Variants in LGI3 observed in about 807,000 individuals in gnomAD.
LGI3 encodes leucine rich repeat LGI family member 3.
In LGI3, 47 loss-of-function variants were observed where a neutral mutation model predicts 55.4. That is an observed-to-expected ratio of 0.85 (90% CI 0.67 to 1.08). The LOEUF is 1.08. LGI3 is among the 50% of genes least tolerant of loss of function. The pLI is 0.00. For missense variants in LGI3, 664 were observed against 726.3 expected (o/e 0.91, Z 0.99); for synonymous variants, 326 against 315.0 (o/e 1.04, Z -0.37).
At chr8:22,150,411 C>T (rs1176056444) in intron 7 of LGI3, among the ~76,000 whole-genome samples, 6 of 142,508 alleles carry the variant, frequency 4.2e-5, no homozygotes, top group South Asian at 2.2e-4. Context: ...CAGGCTGGAC[C>T]GCAGTGGTGT....
chr8:22,153,928 C>T (rs1467170429), intron 5 of LGI3, 40 bp downstream of exon 5: 3 of 1,598,860 alleles, frequency 1.9e-6, no homozygotes, highest in East Asian at 2.2e-5. Flanking sequence ...GGGATGCGCC[C>T]TCTGCGGCAC....
rs1563206744 is a variant in LGI3, at chr8:22,147,737, CG to C, written c.*422del. 2 of 179,168 alleles carry C rather than the reference CG, an allele frequency of 1.1e-5. No individual in the cohort carries two copies. The highest frequency in any genetic ancestry group is 5.4e-5 in the Admixed American group (1 of 18,472). The allele number at this position is 179,168 out of a possible 1,614,324, so 11.1% of individuals were successfully genotyped here. ...TGACAGATATGGCTGTGGGCTACAG[CG>C]GGGAGCAAGAGCAGGTAAACAATGC... On this transcript the variant is annotated 3_prime_UTR_variant, in exon 8 of 8. Transcript: ENST00000306317.
At position 22,148,895 on chromosome 8, in the gene LGI3, G is replaced by GT; in HGVS notation, c.911dup (p.Tyr304Ter). 6.2e-7 allele frequency: 1 copy of GT among 1,614,164 alleles called. No homozygotes were observed. Among genetic ancestry groups the GT allele is most frequent in the Non-Finnish European group, 8.5e-7 (1 of 1,180,024 alleles). The change falls in exon 8 of 8, where the codon TAC becomes TAAC. Residue 304 changes from tyrosine to a stop codon, truncating the protein, a stop_gained and frameshift_variant. Transcript: ENST00000306317. LOFTEE classifies it high-confidence loss of function. The surrounding 1 kb of genome is among the most constrained non-coding windows in gnomAD (Gnocchi z 7.0). ...TGGTGTTGGGATCCCAGTGGTAAAT[G>GT]TAAGAGCCGCCAAACAGCTGGGCCA... ...VVVAQLFGGS[Y>*]IYHWDPNTTR...
chr8:22,154,579 G>A lies in LGI3; in HGVS notation c.331C>T (p.Leu111=), dbSNP rs180985526. 218 of 1,613,936 alleles carry A rather than the reference G, an allele frequency of 1.4e-4. No individual in the cohort carries two copies. The highest frequency in any genetic ancestry group is 1.8e-4 in the Admixed American group (11 of 60,024). ...ACACACAGATACTGCAGGTGCGACA[G>A]TCCTGTGAAGGCGTTGTCTCCAATC... ...TLIGDNAFTG[L]SHLQYLFIEN... Residue 111 remains leucine (L), a synonymous_variant, in exon 3 of 8, where the codon CTG becomes TTG. Coordinates refer to ENST00000306317, the MANE Select transcript of LGI3 (RefSeq NM_139278.4).
Position 22,148,015 on chromosome 8 carries a change from C to T in LGI3, c.*145G>A, listed in dbSNP as rs1262611860. ...TCCTCCTGGGCCAGTCCACGGGGTGCGCCTGTACACACTGGGCGTGTGCGG... is the reference window on the plus strand; with the variant it reads ...TCCTCCTGGGCCAGTCCACGGGGTGTGCCTGTACACACTGGGCGTGTGCGG... On this transcript the variant is annotated 3_prime_UTR_variant, in exon 8 of 8. Coordinates refer to ENST00000306317, the MANE Select transcript of LGI3 (RefSeq NM_139278.4). This position sits in a 1 kb window ranked among gnomAD's most constrained non-coding sequence, Gnocchi z 7.0. 15 of 704,894 alleles carry T rather than the reference C, an allele frequency of 2.1e-5. No homozygotes were observed. The highest frequency in any genetic ancestry group is 3.1e-5 in the Non-Finnish European group (13 of 415,906). The allele number at this position is 704,894 out of a possible 1,614,324, so 43.7% of individuals were successfully genotyped here. A position where few individuals can be genotyped will look rare whatever the true frequency, so the allele number is the denominator to read the frequency against.
In LGI3 at chr8:22,154,004, C is replaced by CTGGGCAGTGTCTGCAGGTTATTGT. The variant is rs1827451503; in HGVS notation, c.434_457dup (p.Asn145_Pro152dup). On this transcript the variant is annotated inframe_insertion, in exon 5 of 8. Coordinates refer to ENST00000306317, the MANE Select transcript of LGI3 (RefSeq NM_139278.4). ...GATGTCCAGGGGCCGGAAGATGTCT[C>CTGGGCAGTGTCTGCAGGTTATTGT]TGGGCAGTGTCTGCAGGTTATTGTT... The CTGGGCAGTGTCTGCAGGTTATTGT allele has an allele frequency of 6.2e-7, 1 of 1,614,070 alleles. No individual in the cohort carries two copies. Among genetic ancestry groups the CTGGGCAGTGTCTGCAGGTTATTGT allele is most frequent in the Admixed American group, 1.7e-5 (1 of 60,010 alleles).
Position 22,148,320 on chromosome 8 carries a change from T to C in LGI3, c.1487A>G (p.Asp496Gly), listed in dbSNP as rs1827332403. Reference sequence around the variant, plus strand: ...CCGTACAAACTTCTGTCGTCCCTCATCCCACTGGTAGATCTGGGTGAAGGA... The same window carrying C: ...CCGTACAAACTTCTGTCGTCCCTCACCCCACTGGTAGATCTGGGTGAAGGA... ...DFSFTQIYQW[D>G]EGRQKFVRFQ... Residue 496 changes from aspartate to glycine, a missense_variant, in exon 8 of 8, where the codon GAT (aspartate) becomes GGT (glycine). Coordinates refer to ENST00000306317, the MANE Select transcript of LGI3 (RefSeq NM_139278.4). The surrounding 1 kb of genome is among the most constrained non-coding windows in gnomAD (Gnocchi z 7.0). 6.2e-7 allele frequency: 1 copy of C among 1,614,072 alleles called. No homozygotes were observed. The highest frequency in any genetic ancestry group is 8.5e-7 in the Non-Finnish European group (1 of 1,180,004).
At position 22,156,450 on chromosome 8, in the gene LGI3, C is replaced by T; in HGVS notation, c.93G>A (p.Lys31=). 1 of 1,550,008 alleles carries T rather than the reference C, an allele frequency of 6.5e-7. No homozygotes were observed. The highest frequency in any genetic ancestry group is 8.7e-7 in the Non-Finnish European group (1 of 1,151,856). ...GFCLMLQVSA[K]RPPKTPPCPP... ...GGCAGGGGGGCGTCTTGGGGGGCCTCTTAGCGCTGACTTGCAGCATGAGGC... is the reference window on the plus strand; with the variant it reads ...GGCAGGGGGGCGTCTTGGGGGGCCTTTTAGCGCTGACTTGCAGCATGAGGC... Residue 31 remains lysine (K), a synonymous_variant, in exon 1 of 8, where the codon AAG becomes AAA. Transcript: ENST00000306317.
In LGI3 at chr8:22,148,418, G is replaced by T. The variant is rs1049662667; in HGVS notation, c.1389C>A (p.Pro463=). ...GCTGCAGGGCCAGCGAGCCCCGGGA[G>T]GGCAGGGCCTGCACCTCCGAGAAGC... The part of the protein sequence containing the change: ...GTRFSEVQAL[P]SRGSLALQPF... Residue 463 remains proline (P), a synonymous_variant, in exon 8 of 8, where the codon CCC becomes CCA. Coordinates refer to ENST00000306317, the MANE Select transcript of LGI3 (RefSeq NM_139278.4). The surrounding 1 kb of genome is among the most constrained non-coding windows in gnomAD (Gnocchi z 7.0). 2 of 1,612,518 alleles carry T rather than the reference G, an allele frequency of 1.2e-6. No individual in the cohort carries two copies. Among genetic ancestry groups the T allele is most frequent in the Non-Finnish European group, 1.7e-6 (2 of 1,179,938 alleles).
At chr8:22,153,093 TA>T (rs1216177032) in intron 5 of LGI3, among the ~76,000 whole-genome samples, 18 of 142,962 alleles carry the variant, frequency 1.3e-4, no homozygotes, top group Non-Finnish European at 2.6e-4. Flanking sequence ...TTTTTTTTTT[TA>T]ATATTTTGAG....
In LGI3 at chr8:22,148,089, C is replaced by T. The variant is rs1827328344; in HGVS notation, c.*71G>A. The stretch of plus-strand genomic sequence containing the variant: ...GGTCGCTTGTCTTCACACAGGCATA[C>T]GTGGTGCTCACAGAGGCCCCCACCC... On this transcript the variant is annotated 3_prime_UTR_variant, in exon 8 of 8. Transcript: ENST00000306317. This position sits in a 1 kb window ranked among gnomAD's most constrained non-coding sequence, Gnocchi z 7.0. 17 of 1,294,342 alleles carry T rather than the reference C, an allele frequency of 1.3e-5. No homozygotes were observed. Among genetic ancestry groups the T allele is most frequent in the Non-Finnish European group, 1.8e-5 (17 of 937,990 alleles). The allele number at this position is 1,294,342 out of a possible 1,614,324, so 80.2% of individuals were successfully genotyped here.
Position 22,148,156 on chromosome 8 carries a change from C to T in LGI3, c.*4G>A, listed in dbSNP as rs971163994. 2 of 1,580,772 alleles carry T rather than the reference C, an allele frequency of 1.3e-6. No homozygotes were observed. The highest frequency in any genetic ancestry group is 1.8e-5 in the Admixed American group (1 of 55,602). On this transcript the variant is annotated 3_prime_UTR_variant, in exon 8 of 8. Transcript: ENST00000306317. This position sits in a 1 kb window ranked among gnomAD's most constrained non-coding sequence, Gnocchi z 7.0. ...CCTGAGGAGACCAGAGGCCTCGGCA[C>T]CCCCTAGGCACTGAGATCCACCACA... is the stretch of plus-strand genomic sequence containing the variant.
rs183181297 is a variant in LGI3 at position 22,151,717 on chromosome 8, G to A, written c.665-64C>T. ...GAAGGGAAGGGCTGCTTGGGTGATG[G>A]TGGTTGCTTTACTGCTGCCGCTGGG... On this transcript the variant is annotated intron_variant, in intron 6 of 7. Transcript: ENST00000306317. 1.9e-6 allele frequency: 3 copies of A among 1,584,868 alleles called. No individual in the cohort carries two copies. In the Admixed American group the frequency reaches 5.1e-5, roughly 27 times the overall value.
intron 7 of LGI3, among the ~76,000 whole-genome samples, chr8:22,150,042 C>G (rs543429460): frequency 1.3e-4 from 20 of 152,168 alleles, no homozygotes; most frequent in Non-Finnish European, 2.1e-4. Flanking sequence ...CTCCACTAGT[C>G]TCCCAATCCA....
rs373227867 is a variant in LGI3, at chr8:22,155,343, G to A, written c.278+49C>T. On this transcript the variant is annotated intron_variant, in intron 2 of 7. Coordinates refer to ENST00000306317, the MANE Select transcript of LGI3 (RefSeq NM_139278.4). ...CTCCCCAGCCCAGGATTTGTCCCCTGCTACCACCCCATAGTTCCCCCAACC... is the reference window on the plus strand; with the variant it reads ...CTCCCCAGCCCAGGATTTGTCCCCTACTACCACCCCATAGTTCCCCCAACC... 1.9e-5 allele frequency: 29 copies of A among 1,565,844 alleles called. No individual in the cohort carries two copies. In the Middle Eastern group the frequency reaches 5.0e-4, roughly 27 times the overall value.
At chr8:22,152,063 C>CT in intron 5 of LGI3, 63 bp from the exon 6 acceptor site, 2 of 1,344,630 alleles carry the variant, frequency 1.5e-6, no homozygotes. Context: ...CTCTGCCTAC[C>CT]CAGGCCCTCC....
At position 22,148,109 on chromosome 8, in the gene LGI3, C is replaced by T; in HGVS notation, c.*51G>A. 6 of 1,462,614 alleles carry T rather than the reference C, an allele frequency of 4.1e-6. No homozygotes were observed. Among genetic ancestry groups the T allele is most frequent in the Non-Finnish European group, 5.5e-6 (6 of 1,085,980 alleles). 90.6% of individuals were successfully genotyped at this position (1,462,614 alleles called of 1,614,324 possible). The stretch of plus-strand genomic sequence containing the variant: ...GCATACGTGGTGCTCACAGAGGCCC[C>T]CACCCATCCTCCAGTGGCCACCCTG... On this transcript the variant is annotated 3_prime_UTR_variant, in exon 8 of 8. Transcript: ENST00000306317. The surrounding 1 kb of genome is among the most constrained non-coding windows in gnomAD (Gnocchi z 7.0).
intron 6 of LGI3, 43 bp downstream of exon 6, chr8:22,151,787 TG>T (rs759441560): frequency 1.3e-6 from 2 of 1,581,968 alleles, no homozygotes; most frequent in Admixed American, 3.4e-5. Context: ...AAAGCTGCCT[TG>T]GGGTAGGCGT....
At position 22,156,438 on chromosome 8, in the gene LGI3, C is replaced by T. The variant is rs755991702; in HGVS notation, c.105G>A (p.Lys35=). 1.3e-6 allele frequency: 2 copies of T among 1,570,018 alleles called. No homozygotes were observed. Among genetic ancestry groups the T allele is most frequent in the Non-Finnish European group, 1.7e-6 (2 of 1,161,246 alleles). ...AGCAGCTGGGCGGGCAGGGGGGCGT[C>T]TTGGGGGGCCTCTTAGCGCTGACTT... ...MLQVSAKRPP[K]TPPCPPSCSC... Residue 35 remains lysine, a synonymous_variant, in exon 1 of 8, where the codon AAG becomes AAA. Coordinates refer to ENST00000306317, the MANE Select transcript of LGI3 (RefSeq NM_139278.4).
Sources: allele counts gnomAD v4.1 joint callset (sites outside exome capture counted in the v4.1 genomes callset), GRCh38; gene constraint gnomAD v4.1.1; non-coding constraint Gnocchi (gnomAD v3.1); transcripts MANE v1.5; gene names NCBI Gene and HGNC (gene_info 2026-07-23, HGNC 2026-07-21).